The following SFI1 variants were observed in gnomAD, a reference collection of about 807,000 sequenced individuals.
SFI1 encodes SFI1 centrin binding protein.
Under a neutral mutation model 207.5 loss-of-function variants are expected in SFI1, and 195 were observed. The ratio of observed to expected loss-of-function variants is 0.94; its 90% CI spans 0.84 to 1.06. The LOEUF is 1.06. SFI1 is among the 50% of genes least tolerant of loss of function. The pLI is 0.00. For synonymous variants in SFI1, 630 were observed against 598.9 expected, an observed-to-expected ratio of 1.05 and a Z score of -0.76; for missense variants, 1,634 against 1,588.0, an observed-to-expected ratio of 1.03 and a Z score of -0.49.
chr22:31,571,426 C>T (rs1332918173), intron 8 of SFI1, among the ~76,000 whole-genome samples: 2 of 152,098 alleles, frequency 1.3e-5, no homozygotes, highest in Non-Finnish European at 2.9e-5. Flanking sequence ...GATCCTCCCA[C>T]CTCAGCCTCC....
At chr22:31,589,656 GCT>G in intron 15 of SFI1, 79 bp downstream of exon 15, 1 of 1,471,486 alleles carries the variant, frequency 6.8e-7, no homozygotes, top group Non-Finnish European at 9.1e-7. Flanking sequence ...CATTTGCTGT[GCT>G]TTTCAGCTTC....
intron 15 of SFI1, among the ~76,000 whole-genome samples, chr22:31,593,997 GGAGAGGGACA>G (rs2066627980): frequency 1.2e-5 from 1 of 84,184 alleles, no homozygotes; most frequent in Non-Finnish European, 2.9e-5. Context: ...CGAGGGAGAG[GGAGAGGGACA>G]GGGAGAGGGA....
At chr22:31,538,295 T>A (rs1450937514) in intron 4 of SFI1, 2 of 151,394 alleles carry the variant, frequency 1.3e-5, no homozygotes, top group African/African-American at 4.9e-5. Context: ...AAGTACAATT[T>A]CCATTTTATT....
At chr22:31,530,771 A>C in intron 3 of SFI1, 1 of 447,008 alleles carries the variant, frequency 2.2e-6, no homozygotes, top group Non-Finnish European at 4.3e-6. Flanking sequence ...TAATATGAAC[A>C]AAAGAATTAT....
At chr22:31,604,212 A>G (rs1209342694) in intron 18 of SFI1, 97 bp from the exon 19 acceptor site, 9 of 917,664 alleles carry the variant, frequency 9.8e-6, no homozygotes, top group Non-Finnish European at 1.4e-5. Context: ...AGGTTAATTT[A>G]CACTCACACA....
In SFI1 at chr22:31,618,560, C is replaced by T. The variant is rs1245707720; in HGVS notation, c.*142C>T. 11 of 833,324 alleles carry T rather than the reference C, an allele frequency of 1.3e-5. No individual in the cohort carries two copies. The highest frequency in any genetic ancestry group is 3.5e-5 in the African/African-American group (2 of 57,444). 51.6% of individuals were successfully genotyped at this position (833,324 alleles called of 1,614,324 possible). Reference sequence around the variant, plus strand: ...TGAATTACTGTTCAGAAGTCTCCCACTTTTCATACAAAAATACTGTGCTAC... The same window carrying T: ...TGAATTACTGTTCAGAAGTCTCCCATTTTTCATACAAAAATACTGTGCTAC... On this transcript the variant is annotated 3_prime_UTR_variant, in exon 33 of 33. Transcript: ENST00000400288.
intron 4 of SFI1, among the ~76,000 whole-genome samples, chr22:31,531,880 C>T (rs1273849247): frequency 1.6e-4 from 21 of 134,740 alleles, no homozygotes; most frequent in African/African-American, 5.7e-4. Context: ...GCAACAAGAG[C>T]GAAAGTCCCT....
At chr22:31,604,444 C>G in intron 19 of SFI1, 40 bp downstream of exon 19, 1 of 1,439,748 alleles carries the variant, frequency 6.9e-7, no homozygotes, top group Middle Eastern at 2.2e-4. Context: ...GCTGTGGGGA[C>G]AGGGGAGGTT....
chr22:31,529,454 A>T (rs113638950), intron 3 of SFI1, among the ~76,000 whole-genome samples: 4 of 152,242 alleles, frequency 2.6e-5, no homozygotes, highest in African/African-American at 7.2e-5. Context: ...TGAACCTGGG[A>T]GGCCGAGGTT....
intron 6 of SFI1, among the ~76,000 whole-genome samples, chr22:31,553,836 A>ATTTTTTTTTTTTTTTTTTTTTTT (rs1201513765): frequency 9.1e-5 from 2 of 21,954 alleles, no homozygotes; most frequent in African/African-American, 2.7e-4. Flanking sequence ...TTAATGGATT[A>ATTTTTTTTTTTTTTTTTTTTTTT]TGTTTTTTTT....
chr22:31,612,663 A>G (rs1156788663), intron 24 of SFI1: 1 of 157,958 alleles, frequency 6.3e-6, no homozygotes, highest in East Asian at 1.8e-4. Context: ...TCAAGGTTGC[A>G]GTGAGCTGTG....
At position 31,569,153 on chromosome 22, in the gene SFI1, A is replaced by T. The variant is rs547556965; in HGVS notation, c.766-3905A>T. Reference sequence around the variant, plus strand: ...AATTCCAGTTAATAAATGCTGAAGGAATACTAGAACTAGAAAATTGCTGTT... The same window carrying T: ...AATTCCAGTTAATAAATGCTGAAGGTATACTAGAACTAGAAAATTGCTGTT... On this transcript the variant is annotated intron_variant, in intron 8 of 32. Transcript: ENST00000400288. Among the ~76,000 whole-genome samples the T allele has an allele frequency of 7.9e-5, 12 of 152,316 alleles. No individual in the cohort carries two copies. The South Asian group carries it at 2.3e-3, about 29-fold the overall frequency.
At chr22:31,521,980 G>A (rs569468175) in intron 2 of SFI1, among the ~76,000 whole-genome samples, 1 of 150,250 alleles carries the variant, frequency 6.7e-6, no homozygotes, top group South Asian at 2.1e-4. Flanking sequence ...GGCCAGACTG[G>A]TCTTGACCTC....
intron 15 of SFI1, among the ~76,000 whole-genome samples, chr22:31,590,986 T>TATTGATTG (rs1556253158): frequency 6.6e-6 from 1 of 151,036 alleles, no homozygotes; most frequent in African/African-American, 2.4e-5. Flanking sequence ...TTTATTTTTT[T>TATTGATTG]ATTGATAATT....
At position 31,617,075 on chromosome 22, in the gene SFI1, T is replaced by C. The variant is rs2071678944; in HGVS notation, c.3509T>C (p.Leu1170Pro). The change falls in exon 31 of 33, where the codon CTC (leucine) becomes CCC (proline). Residue 1170 changes from leucine (L) to proline (P), a missense_variant. Physicochemically the swap from Leu to Pro is moderately conservative, Grantham distance 98. Coordinates refer to ENST00000400288, the MANE Select transcript of SFI1 (RefSeq NM_001007467.3). ...CACTACCAGACCACCAAGCAGAACC[T>C]CTGGTGAGCCCTGCGAAACGCCCTG... is the stretch of plus-strand genomic sequence containing the variant. ...LLHYQTTKQN[L>P]WSCRRQASSL... The C allele has an allele frequency of 6.2e-7, 1 of 1,613,818 alleles. No homozygotes were observed.
chr22:31,509,055 C>A (rs1254765793), intron 2 of SFI1, among the ~76,000 whole-genome samples: 1 of 152,068 alleles, frequency 6.6e-6, no homozygotes, highest in East Asian at 1.9e-4. Flanking sequence ...GTGGTTTTTG[C>A]TCTTTTTTCT....
chr22:31,589,484 G>A lies in SFI1; in HGVS notation c.1451G>A (p.Arg484Lys). The A allele has an allele frequency of 1.9e-6, 3 of 1,613,660 alleles. No homozygotes were observed. The highest frequency in any genetic ancestry group is 2.5e-6 in the Non-Finnish European group (3 of 1,179,902). Residue 484 changes from arginine to lysine, a missense_variant, in exon 15 of 33, where the codon AGA becomes AAA. Coordinates refer to ENST00000400288, the MANE Select transcript of SFI1 (RefSeq NM_001007467.3). ...QARADGHFQQ[R>K]ALPAAFHTWN... ...AGAGCGGATGGTCATTTCCAGCAGA[G>A]AGCCCTGCCTGCTGCCTTCCACACA...
In SFI1 at chr22:31,508,239, T is replaced by A. The variant is rs773844373; in HGVS notation, c.-30-16T>A. The A allele has an allele frequency of 4.3e-6, 6 of 1,397,026 alleles. No individual in the cohort carries two copies. In the African/African-American group the frequency reaches 8.5e-5, roughly 20 times the overall value. 86.5% of individuals were successfully genotyped at this position (1,397,026 alleles called of 1,614,324 possible). A position where few individuals can be genotyped will look rare whatever the true frequency, so the allele number is the denominator to read the frequency against. On this transcript the variant is annotated splice_polypyrimidine_tract_variant and intron_variant, in intron 1 of 32. Coordinates refer to ENST00000400288, the MANE Select transcript of SFI1 (RefSeq NM_001007467.3). ...GCAAATCATTTTCTCTCTTTTTTAT[T>A]CTCTTTTTCTTGTAGTTAGAAGGGG...
intron 2 of SFI1, among the ~76,000 whole-genome samples, chr22:31,515,938 A>G (rs1370656930): frequency 2.0e-5 from 3 of 151,294 alleles, no homozygotes; most frequent in East Asian, 2.0e-4. Flanking sequence ...GAGTTTCACC[A>G]TGTTGGCCAG....
Sources: allele counts gnomAD v4.1 joint callset (sites outside exome capture counted in the v4.1 genomes callset), GRCh38; gene constraint gnomAD v4.1.1; transcripts MANE v1.5; gene names NCBI Gene and HGNC (gene_info 2026-07-23, HGNC 2026-07-21).